ARFGEF3: variants seen among roughly 807,000 people sequenced by gnomAD.
ARFGEF3 encodes the protein brefeldin A-inhibited guanine nucleotide-exchange protein 3.
ARFGEF3 carries 96 observed loss-of-function variants against 221.7 expected under a neutral mutation model. The observed-to-expected ratio is 0.43, with a 90% CI of 0.37 to 0.51. ARFGEF3 has a LOEUF of 0.51. ARFGEF3 is among the 20% of genes least tolerant of loss of function. The probability of loss-of-function intolerance (pLI) is 0.00; values close to 1 mark genes in which losing one functional copy is unlikely to be tolerated. For missense variants in ARFGEF3, 2,410 were observed against 2,789.9 expected (o/e 0.86, Z 3.07); for synonymous variants, 1,145 against 1,126.8 (o/e 1.02, Z -0.32).
At chr6:138,250,077 C>T (rs954649092) in intron 8 of ARFGEF3, among the ~76,000 whole-genome samples, 2 of 152,192 alleles carry the variant, frequency 1.3e-5, no homozygotes, top group African/African-American at 4.8e-5. Flanking sequence ...GCCTCTTCTA[C>T]TCTCTGAATA....
chr6:138,287,249 C>A, intron 17 of ARFGEF3, 65 bp downstream of exon 17: 1 of 1,184,892 alleles, frequency 8.4e-7, no homozygotes. Flanking sequence ...CCTGCACAGG[C>A]CTACACACGC....
chr6:138,303,860 C>CAAAAAAAAAA (rs140349507), intron 22 of ARFGEF3, among the ~76,000 whole-genome samples: 2 of 20,616 alleles, frequency 9.7e-5, no homozygotes, highest in East Asian at 2.4e-3. Flanking sequence ...GACTCCGTCT[C>CAAAAAAAAAA]AAAAAAAAAA....
At chr6:138,297,238 A>G (rs538713324) in intron 21 of ARFGEF3, among the ~76,000 whole-genome samples, 1 of 152,216 alleles carries the variant, frequency 6.6e-6, no homozygotes, top group Non-Finnish European at 1.5e-5. Context: ...TATCAACCTG[A>G]GCCTGGAACA....
chr6:138,177,827 T>G (rs1049044560), intron 2 of ARFGEF3, among the ~76,000 whole-genome samples: 2 of 152,074 alleles, frequency 1.3e-5, no homozygotes, highest in African/African-American at 4.8e-5. Context: ...TTAAGATGTC[T>G]ATCTCCTTGG....
rs1253413189 is a variant in ARFGEF3, at chr6:138,337,639, T to G, written c.*1153T>G. 6.6e-6 allele frequency: 1 copy of G among 152,162 alleles called. No homozygotes were observed. The highest frequency in any genetic ancestry group is 2.4e-5 in the African/African-American group (1 of 41,418). 9.4% of individuals were successfully genotyped at this position (152,162 alleles called of 1,614,324 possible). Reference sequence around the variant, plus strand: ...AGAAAGACACTGAAATTTAGAAAATTTTGTCGATTTAAAATATTTCTCCTA... The same window carrying G: ...AGAAAGACACTGAAATTTAGAAAATGTTGTCGATTTAAAATATTTCTCCTA... On this transcript the variant is annotated 3_prime_UTR_variant, in exon 34 of 34. Transcript: ENST00000251691.
chr6:138,259,963 C>T (rs1259595203), intron 10 of ARFGEF3, among the ~76,000 whole-genome samples: 2 of 152,080 alleles, frequency 1.3e-5, no homozygotes, highest in African/African-American at 2.4e-5. Context: ...TAATTTATTA[C>T]CAGTGAAGCT....
chr6:138,181,208 C>T (rs1254617954), intron 2 of ARFGEF3, among the ~76,000 whole-genome samples: 1 of 152,134 alleles, frequency 6.6e-6, no homozygotes, highest in Non-Finnish European at 1.5e-5. Flanking sequence ...GAAGTCACCA[C>T]TTAAAAAATG....
chr6:138,243,596 T>C (rs1778430963), intron 7 of ARFGEF3, among the ~76,000 whole-genome samples: 1 of 152,168 alleles, frequency 6.6e-6, no homozygotes, highest in African/African-American at 2.4e-5. Context: ...TATGCAAAAA[T>C]ATCTGATTAA....
At chr6:138,196,624 C>T (rs1238661183) in intron 2 of ARFGEF3, among the ~76,000 whole-genome samples, 1 of 152,190 alleles carries the variant, frequency 6.6e-6, no homozygotes, top group Non-Finnish European at 1.5e-5. Flanking sequence ...AAACACTGTA[C>T]ACTTAGGCTA....
chr6:138,186,936 A>G (rs1260839105), intron 2 of ARFGEF3, among the ~76,000 whole-genome samples: 4 of 87,010 alleles, frequency 4.6e-5, no homozygotes, highest in Non-Finnish European at 6.3e-5. Flanking sequence ...TTTTTTTGAG[A>G]CAGAGTTTCA....
chr6:138,338,575 A>G lies in ARFGEF3; in HGVS notation c.*2089A>G, dbSNP rs148820359. The stretch of plus-strand genomic sequence containing the variant: ...CTTACTTTGGGAGGCCAAGGTGGGC[A>G]GATAACCTGCGGTCAGGAGTTTGAG... On this transcript the variant is annotated 3_prime_UTR_variant, in exon 34 of 34. Coordinates refer to ENST00000251691, the MANE Select transcript of ARFGEF3 (RefSeq NM_020340.5). The G allele has an allele frequency of 2.0e-5, 3 of 152,378 alleles. No homozygotes were observed. Among genetic ancestry groups the G allele is most frequent in the African/African-American group, 7.2e-5 (3 of 41,586 alleles). 9.4% of individuals were successfully genotyped at this position (152,378 alleles called of 1,614,324 possible).
chr6:138,332,361 A>C (rs1225607480), intron 32 of ARFGEF3, among the ~76,000 whole-genome samples: 1 of 151,664 alleles, frequency 6.6e-6, no homozygotes, highest in Non-Finnish European at 1.5e-5. Flanking sequence ...TTGGAGACTT[A>C]CTGAATGCTA....
chr6:138,322,802 G>GAAAA (rs112516953), intron 29 of ARFGEF3, among the ~76,000 whole-genome samples: 1 of 89,882 alleles, frequency 1.1e-5, no homozygotes, highest in South Asian at 4.7e-4. Flanking sequence ...CTCAAAAAAA[G>GAAAA]AAAAAAAAAA....
chr6:138,271,837 A>G (rs1336039449), intron 12 of ARFGEF3, among the ~76,000 whole-genome samples: 1 of 152,142 alleles, frequency 6.6e-6, no homozygotes, highest in East Asian at 1.9e-4. Context: ...AACTTACCAC[A>G]ATGTACTCAA....
intron 27 of ARFGEF3, 29 bp from the exon 28 acceptor site, chr6:138,319,674 T>C: frequency 1.3e-6 from 2 of 1,544,192 alleles, no homozygotes; most frequent in East Asian, 2.3e-5. Flanking sequence ...TTATTACAGG[T>C]TGTTGCTACG....
rs970869595 is a variant in ARFGEF3 at position 138,202,902 on chromosome 6, A to C, written c.138-4140A>C. 2.6e-5 allele frequency among the ~76,000 whole-genome samples: 4 copies of C among 151,876 alleles called. No individual in the cohort carries two copies. In the East Asian group the frequency reaches 7.7e-4, roughly 29 times the overall value. On this transcript the variant is annotated intron_variant, in intron 2 of 33. Coordinates refer to ENST00000251691, the MANE Select transcript of ARFGEF3 (RefSeq NM_020340.5). Reference sequence around the variant, plus strand: ...TACACACACACACACATGCACACACACCCACACACACACACACACATAGCT... The same window carrying C: ...TACACACACACACACATGCACACACCCCCACACACACACACACACATAGCT...
chr6:138,261,666 T>C (rs1281488483), intron 11 of ARFGEF3, 27 bp downstream of exon 11: 3 of 1,354,242 alleles, frequency 2.2e-6, no homozygotes, highest in Non-Finnish European at 2.0e-6. Flanking sequence ...TTTAAGTCTT[T>C]ATTGAGGCTG....
At chr6:138,250,950 C>G (rs1778570700) in intron 8 of ARFGEF3, among the ~76,000 whole-genome samples, 4 of 152,218 alleles carry the variant, frequency 2.6e-5, no homozygotes, top group Non-Finnish European at 4.4e-5. Flanking sequence ...ACAGCTTTTA[C>G]ACGCATACAT....
chr6:138,297,868 G>C (rs1779549821), intron 21 of ARFGEF3, among the ~76,000 whole-genome samples: 1 of 152,044 alleles, frequency 6.6e-6, no homozygotes, highest in African/African-American at 2.4e-5. Flanking sequence ...ATGGTCAGCT[G>C]GTGCAAAGTC....
Sources: allele counts gnomAD v4.1 joint callset (sites outside exome capture counted in the v4.1 genomes callset), GRCh38; gene constraint gnomAD v4.1.1; transcripts MANE v1.5; gene names NCBI Gene and HGNC (gene_info 2026-07-23, HGNC 2026-07-21).